Variants in SHMT1 observed in about 807,000 individuals in gnomAD.
SHMT1 encodes serine hydroxymethyltransferase 1, also known as serine hydroxymethyltransferase, cytosolic.
Under a neutral mutation model 49.0 loss-of-function variants are expected in SHMT1, and 45 were observed. That is an observed-to-expected ratio of 0.92 (90% CI 0.72 to 1.18). The LOEUF is 1.18. Among genes scored for constraint, SHMT1 ranks in the 50% most tolerant of loss-of-function variants. The pLI is 0.00. For synonymous variants in SHMT1, 232 were observed against 246.6 expected (o/e 0.94, Z 0.55); for missense variants, 541 against 612.4 (o/e 0.88, Z 1.23).
At position 18,328,713 on chromosome 17, in the gene SHMT1, CTGTGGCGCCA is replaced by C; in HGVS notation, c.*27_*36del. ...GGGGTCCTCCGGCAGGCAGCTTCCT[CTGTGGCGCCA>C]GGTGGGTCCAGAGTGGGCCCGCTCC... is the stretch of plus-strand genomic sequence containing the variant. On this transcript the variant is annotated 3_prime_UTR_variant, in exon 12 of 12. Coordinates refer to ENST00000316694, the MANE Select transcript of SHMT1 (RefSeq NM_004169.5). The C allele has an allele frequency of 6.5e-7, 1 of 1,549,062 alleles. No individual in the cohort carries two copies. The highest frequency in any genetic ancestry group is 8.7e-7 in the Non-Finnish European group (1 of 1,147,320).
chr17:18,341,425 G>A (rs916543377), intron 5 of SHMT1: 1 of 157,458 alleles, frequency 6.4e-6, no homozygotes, highest in Non-Finnish European at 1.4e-5. Flanking sequence ...CAGATCATGA[G>A]GTCAGGAGAT....
intron 7 of SHMT1, among the ~76,000 whole-genome samples, chr17:18,336,871 G>A (rs746819767): frequency 2.0e-5 from 3 of 152,098 alleles, no homozygotes; most frequent in East Asian, 1.9e-4. Context: ...GCTTGGGCCC[G>A]GGAAGTTGAA....
chr17:18,347,743 C>G (rs1341793002), intron 4 of SHMT1, 87 bp from the exon 5 acceptor site: 2 of 1,490,272 alleles, frequency 1.3e-6, no homozygotes, highest in Non-Finnish European at 1.9e-6. Context: ...AGCCTTCACC[C>G]AGGAGTGGCG....
intron 11 of SHMT1, 75 bp from the exon 12 acceptor site, chr17:18,328,994 A>T: frequency 1.3e-6 from 2 of 1,575,500 alleles, no homozygotes; most frequent in Non-Finnish European, 1.7e-6. Flanking sequence ...GCCGAGGCAC[A>T]AATGTCAGAA....
At chr17:18,357,959 G>A (rs1304097995) in intron 1 of SHMT1, among the ~76,000 whole-genome samples, 1 of 150,134 alleles carries the variant, frequency 6.7e-6, no homozygotes, top group Non-Finnish European at 1.5e-5. Flanking sequence ...CACCTCCCGG[G>A]TTCATGCCAT....
intron 3 of SHMT1, among the ~76,000 whole-genome samples, chr17:18,351,782 C>A (rs531550465): frequency 2.7e-5 from 4 of 150,808 alleles, no homozygotes; most frequent in Admixed American, 2.0e-4. Context: ...AAAAAAAAAA[C>A]AACAAGCCCT....
intron 5 of SHMT1, among the ~76,000 whole-genome samples, chr17:18,346,052 G>A (rs1985052043): frequency 6.6e-6 from 1 of 152,056 alleles, no homozygotes; most frequent in African/African-American, 2.4e-5. Context: ...TGGCCAATGA[G>A]GAGATCTGTG....
chr17:18,362,806 G>C (rs78865288), intron 1 of SHMT1, among the ~76,000 whole-genome samples: 5,481 of 152,262 alleles, frequency 0.036, 365 homozygotes, highest in African/African-American at 0.13. Context: ...TCCTAGAACA[G>C]GGGGTGGCAG....
chr17:18,331,015 G>C, intron 9 of SHMT1: 1 of 375,128 alleles, frequency 2.7e-6, no homozygotes, highest in Non-Finnish European at 5.2e-6. Flanking sequence ...CCTGAAGGCA[G>C]CATGAATATT....
intron 8 of SHMT1, among the ~76,000 whole-genome samples, chr17:18,334,655 A>G (rs1303550520): frequency 6.6e-6 from 1 of 152,094 alleles, no homozygotes; most frequent in Non-Finnish European, 1.5e-5. Flanking sequence ...CTCACATTCA[A>G]TCCTGAGGGC....
intron 8 of SHMT1, among the ~76,000 whole-genome samples, chr17:18,333,845 T>C (rs984422836): frequency 3.3e-5 from 5 of 152,210 alleles, no homozygotes; most frequent in African/African-American, 1.2e-4. Context: ...AGTGGCGTGA[T>C]CACAGTTCAC....
At chr17:18,333,035 T>A (rs781713937) in intron 9 of SHMT1, 131 bp downstream of exon 9, 1 of 1,208,620 alleles carries the variant, frequency 8.3e-7, no homozygotes, top group South Asian at 1.2e-5. Flanking sequence ...GAGGCTGACC[T>A]CCTCCCAAGG....
At chr17:18,352,238 T>C (rs1985793293) in intron 3 of SHMT1, among the ~76,000 whole-genome samples, 1 of 145,740 alleles carries the variant, frequency 6.9e-6, no homozygotes, top group Admixed American at 7.1e-5. Flanking sequence ...CTCTGCCCCC[T>C]GGGGTTCACG....
chr17:18,354,040 T>C (rs1985981411), intron 2 of SHMT1, among the ~76,000 whole-genome samples: 1 of 152,140 alleles, frequency 6.6e-6, no homozygotes, highest in African/African-American at 2.4e-5. Context: ...CCCAGCACTT[T>C]GGGAGGCCGA....
rs545559384 is a variant in SHMT1, at chr17:18,340,108, A to G, written c.749T>C (p.Val250Ala). Reference protein sequence around the residue: ...VVPSPFEHCHVVTTTTHKTLR... With the variant: ...VVPSPFEHCHAVTTTTHKTLR... Reference sequence around the variant, plus strand: ...GGTCTTGTGAGTGGTGGTGGTCACCACATGGCAGTGTTCAAATGGGGAGGG... The same window carrying G: ...GGTCTTGTGAGTGGTGGTGGTCACCGCATGGCAGTGTTCAAATGGGGAGGG... The change falls in exon 7 of 12, where the codon GTG becomes GCG. Residue 250 changes from valine to alanine, a missense_variant. By Grantham distance (64) the Val-to-Ala change is moderately conservative. Transcript: ENST00000316694. This position sits in a 1 kb window ranked among gnomAD's most constrained non-coding sequence, Gnocchi z 4.5. 2.5e-6 allele frequency: 4 copies of G among 1,614,178 alleles called. No homozygotes were observed. The South Asian group carries it at 4.4e-5, about 18-fold the overall frequency.
At chr17:18,344,135 TC>T (rs1452676889) in intron 5 of SHMT1, among the ~76,000 whole-genome samples, 1 of 152,086 alleles carries the variant, frequency 6.6e-6, no homozygotes, top group Non-Finnish European at 1.5e-5. Context: ...GTGAAAGGTT[TC>T]AGGATTGGTG....
rs551074461 is a variant in SHMT1, at chr17:18,328,809, G to A, written c.1393C>T (p.Arg465Trp). The A allele has an allele frequency of 3.4e-5, 55 of 1,609,146 alleles. No individual in the cohort carries two copies. Among genetic ancestry groups the A allele is most frequent in the African/African-American group, 1.5e-4 (11 of 74,954 alleles). Residue 465 changes from arginine to tryptophan, a missense_variant, in exon 12 of 12, where the codon CGG (arginine) becomes TGG (tryptophan). Transcript: ENST00000316694. ...GAGGCGAAGCTCTCAACCTCCTCCC[G>A]GAGAGCCTGCACGGCCGCCTGGTAC... ...DKYQAAVQAL[R>W]EEVESFASLF...
In SHMT1 at chr17:18,333,269, C is replaced by T. The variant is rs1983431809; in HGVS notation, c.951G>A (p.Lys317=). 1.9e-6 allele frequency: 3 copies of T among 1,613,566 alleles called. No homozygotes were observed. The highest frequency in any genetic ancestry group is 2.5e-6 in the Non-Finnish European group (3 of 1,179,964). ...HAIAGVAVAL[K]QAMTLEFKVY... is the part of the protein sequence containing the mutation. ...CTTTAAATTCCAGAGTCATAGCTTGCTTCAGTGCCACAGCAACCCCTGGAC... is the reference window on the plus strand; with the variant it reads ...CTTTAAATTCCAGAGTCATAGCTTGTTTCAGTGCCACAGCAACCCCTGGAC... The change falls in exon 9 of 12, where the codon AAG becomes AAA. Residue 317 remains lysine (K), a synonymous_variant. Coordinates refer to ENST00000316694, the MANE Select transcript of SHMT1 (RefSeq NM_004169.5).
At chr17:18,357,741 C>T (rs1004188095) in intron 1 of SHMT1, among the ~76,000 whole-genome samples, 2 of 152,008 alleles carry the variant, frequency 1.3e-5, no homozygotes, top group Non-Finnish European at 2.9e-5. Context: ...TGGCAACTCA[C>T]ACCTGTAACC....
Sources: allele counts gnomAD v4.1 joint callset (sites outside exome capture counted in the v4.1 genomes callset), GRCh38; gene constraint gnomAD v4.1.1; non-coding constraint Gnocchi (gnomAD v3.1); transcripts MANE v1.5; gene names NCBI Gene and HGNC (gene_info 2026-07-23, HGNC 2026-07-21).